Variants in VAV2 observed in about 807,000 individuals in gnomAD.
VAV2 encodes vav guanine nucleotide exchange factor 2.
VAV2 carries 67 observed loss-of-function variants against 132.5 expected under a neutral mutation model. That is an observed-to-expected ratio of 0.51 (90% CI 0.42 to 0.62). The LOEUF (loss-of-function observed/expected upper bound fraction) is 0.62, where lower values mean the gene tolerates loss of function less well. Ranked by LOEUF, VAV2 falls within the 20% of genes least tolerant of loss-of-function variation. VAV2 has a pLI of 0.00. For missense variants in VAV2, 938 were observed against 1,153.6 expected (o/e 0.81, Z 2.71); for synonymous variants, 492 against 443.5 (o/e 1.11, Z -1.37).
At chr9:133,971,032 G>A (rs532052959) in intron 1 of VAV2, among the ~76,000 whole-genome samples, 8 of 152,284 alleles carry the variant, frequency 5.3e-5, no homozygotes, top group South Asian at 4.1e-4. Flanking sequence ...ATATATTACA[G>A]GTGCAAGTCA....
At chr9:133,921,078 G>A (rs1840279956) in intron 2 of VAV2, among the ~76,000 whole-genome samples, 1 of 152,170 alleles carries the variant, frequency 6.6e-6, no homozygotes, top group African/African-American at 2.4e-5. Context: ...AATCTCTGAA[G>A]CCGTGCAGCC....
At chr9:133,868,710 CT>C (rs1469341373) in intron 2 of VAV2, among the ~76,000 whole-genome samples, 3 of 152,254 alleles carry the variant, frequency 2.0e-5, no homozygotes, top group Non-Finnish European at 4.4e-5. Context: ...GTCCCGCCAT[CT>C]CCTGGGAATG....
Position 133,788,541 on chromosome 9 carries a change from C to A in VAV2, c.1275-55G>T. 6.4e-7 allele frequency: 1 copy of A among 1,572,330 alleles called. No individual in the cohort carries two copies. Among genetic ancestry groups the A allele is most frequent in the South Asian group, 1.1e-5 (1 of 89,156 alleles). ...CACCCCAGCACTGTGTGCTCTGCTCCGAGGAGGCGGCAGGAGCTGAGCCTG... is the reference window on the plus strand; with the variant it reads ...CACCCCAGCACTGTGTGCTCTGCTCAGAGGAGGCGGCAGGAGCTGAGCCTG... On this transcript the variant is annotated intron_variant, in intron 14 of 29. Transcript: ENST00000371850. This position sits in a 1 kb window ranked among gnomAD's most constrained non-coding sequence, Gnocchi z 5.3.
chr9:133,914,306 G>A (rs1015081080), intron 2 of VAV2, among the ~76,000 whole-genome samples: 3 of 152,148 alleles, frequency 2.0e-5, no homozygotes, highest in African/African-American at 7.2e-5. Context: ...GTTCAGAAAT[G>A]CACCGGGACA....
At chr9:133,979,668 C>T (rs1564521866) in intron 1 of VAV2, among the ~76,000 whole-genome samples, 1 of 152,242 alleles carries the variant, frequency 6.6e-6, no homozygotes, top group Admixed American at 6.5e-5. Flanking sequence ...TGTCCCAGAG[C>T]CCCACCACTG....
chr9:133,831,813 G>C (rs1000542823), intron 4 of VAV2, among the ~76,000 whole-genome samples: 1 of 152,226 alleles, frequency 6.6e-6, no homozygotes, highest in African/African-American at 2.4e-5. Context: ...CCAGGCTCTG[G>C]GGGGCACAGG....
In VAV2 at chr9:133,825,750, C is replaced by T. The variant is rs1412657369; in HGVS notation, c.449+8522G>A. 2.0e-5 allele frequency among the ~76,000 whole-genome samples: 3 copies of T among 152,238 alleles called. No individual in the cohort carries two copies. The East Asian group carries it at 5.8e-4, about 29-fold the overall frequency. On this transcript the variant is annotated intron_variant, in intron 4 of 29. Transcript: ENST00000371850. ...TCCTTGTACCCCTGCAGACAAAGGG[C>T]ACAGCACAGAGTGGCCAAGGCCCCA...
intron 1 of VAV2, among the ~76,000 whole-genome samples, chr9:133,982,333 G>A (rs1175191220): frequency 2.0e-5 from 3 of 152,224 alleles, no homozygotes; most frequent in African/African-American, 7.2e-5. Flanking sequence ...AGCACACGTG[G>A]CCGCAGACTA....
chr9:133,948,199 G>A (rs942280663), intron 1 of VAV2, among the ~76,000 whole-genome samples: 1 of 152,216 alleles, frequency 6.6e-6, no homozygotes. Context: ...GCTCAGCCAG[G>A]GATTGATTGA....
At chr9:133,764,909 C>A (rs565747994) in intron 29 of VAV2, among the ~76,000 whole-genome samples, 1 of 152,300 alleles carries the variant, frequency 6.6e-6, no homozygotes, top group African/African-American at 2.4e-5. Flanking sequence ...TCAAAAAAAT[C>A]TCTGCAAATC....
chr9:133,920,657 C>G (rs550545761), intron 2 of VAV2, among the ~76,000 whole-genome samples: 20 of 152,310 alleles, frequency 1.3e-4, no homozygotes, highest in Admixed American at 1.2e-3. Context: ...CCGCCCACCC[C>G]TAGGCCCCGT....
intron 3 of VAV2, among the ~76,000 whole-genome samples, chr9:133,851,511 CA>C (rs1258588851): frequency 5.9e-5 from 9 of 152,216 alleles, no homozygotes; most frequent in Non-Finnish European, 1.5e-5. Context: ...TTCATCCACC[CA>C]CATCATATTG....
intron 1 of VAV2, among the ~76,000 whole-genome samples, chr9:133,944,220 G>A (rs1841279754): frequency 6.6e-6 from 1 of 152,200 alleles, no homozygotes; most frequent in South Asian, 2.1e-4. Context: ...GAGAGCAGGG[G>A]CGCCCTTCAG....
At chr9:133,897,260 C>A (rs1459975608) in intron 2 of VAV2, among the ~76,000 whole-genome samples, 1 of 152,118 alleles carries the variant, frequency 6.6e-6, no homozygotes, top group Non-Finnish European at 1.5e-5. Context: ...AGACTAAGTC[C>A]CCCTCCTTCC....
rs1843017916 is a variant in VAV2 at position 133,991,546 on chromosome 9, G to C, written c.204+529C>G. Among the ~76,000 whole-genome samples the C allele has an allele frequency of 6.6e-6, 1 of 151,970 alleles. No homozygotes were observed. Among genetic ancestry groups the C allele is most frequent in the African/African-American group, 2.4e-5 (1 of 41,428 alleles). Reference sequence around the variant, plus strand: ...GGGAAGAGGCGGAGGCCGGCGAGGGGGCGGTGCCCGGGGCCAACCCAGCTC... The same window carrying C: ...GGGAAGAGGCGGAGGCCGGCGAGGGCGCGGTGCCCGGGGCCAACCCAGCTC... On this transcript the variant is annotated intron_variant, in intron 1 of 29. Coordinates refer to ENST00000371850, the MANE Select transcript of VAV2 (RefSeq NM_001134398.2). This position sits in a 1 kb window ranked among gnomAD's most constrained non-coding sequence, Gnocchi z 4.8.
rs567772695 is a variant in VAV2 at position 133,933,017 on chromosome 9, G to A, written c.321+6086C>T. ...AGAAAAAACCCAAGGGCCAGTGGGCGGAGACCGCCCTTAAGCAGCAAGTGA... is the reference window on the plus strand; with the variant it reads ...AGAAAAAACCCAAGGGCCAGTGGGCAGAGACCGCCCTTAAGCAGCAAGTGA... On this transcript the variant is annotated intron_variant, in intron 2 of 29. Transcript: ENST00000371850. Among the ~76,000 whole-genome samples, 9 of 48,734 alleles carry A rather than the reference G, an allele frequency of 1.8e-4. No homozygotes were observed. The East Asian group carries it at 8.1e-3, about 44-fold the overall frequency. 32.0% of individuals were successfully genotyped at this position (48,734 alleles called of 152,430 possible).
chr9:133,787,348 C>T, intron 15 of VAV2, 88 bp from the exon 16 acceptor site: 1 of 1,377,648 alleles, frequency 7.3e-7, no homozygotes. Context: ...TGTGGAGGCG[C>T]CAGGAGCCCT....
chr9:133,977,516 G>A (rs992106117), intron 1 of VAV2, among the ~76,000 whole-genome samples: 4 of 152,210 alleles, frequency 2.6e-5, no homozygotes, highest in East Asian at 3.9e-4. Flanking sequence ...CTTGTGCACC[G>A]GGGACACGTG....
chr9:133,872,651 C>T (rs1169478112), intron 2 of VAV2, among the ~76,000 whole-genome samples: 1 of 152,034 alleles, frequency 6.6e-6, no homozygotes, highest in Admixed American at 6.5e-5. Flanking sequence ...AGAGAAGAGG[C>T]TGGAAGGGAG....
Sources: gnomAD v4.1 joint callset for allele counts (sites outside exome capture counted in the v4.1 genomes callset) on GRCh38, gnomAD v4.1.1 for gene constraint, Gnocchi (gnomAD v3.1) non-coding constraint, MANE v1.5 for transcripts, NCBI Gene and HGNC (gene_info 2026-07-23, HGNC 2026-07-21) for gene names.